The following UMAD1 variants were observed in gnomAD, a reference collection of about 807,000 sequenced individuals.
UMAD1 encodes the protein UBAP1-MVB12-associated (UMA)-domain containing protein 1.
A neutral mutation model predicts 6.1 loss-of-function variants in UMAD1; 8 were observed. The observed-to-expected ratio is 1.30, with a 90% confidence interval of 0.76 to 2.35. The LOEUF (loss-of-function observed/expected upper bound fraction) is 2.35. Among genes scored for constraint, UMAD1 ranks in the 30% most tolerant of loss-of-function variants. The pLI is 0.00. For missense variants in UMAD1, 130 were observed against 78.4 expected, an observed-to-expected ratio of 1.66 and a Z score of -2.49; for synonymous variants, 56 against 31.4, an observed-to-expected ratio of 1.78 and a Z score of -2.61.
intron 2 of UMAD1, among the ~76,000 whole-genome samples, chr7:7,781,810 T>G (rs1782351235): frequency 6.6e-6 from 1 of 152,028 alleles, no homozygotes; most frequent in Non-Finnish European, 1.5e-5. Context: ...ATTTAATTTA[T>G]AATTTCAGAG....
At chr7:7,859,494 A>G (rs540236263) in intron 3 of UMAD1, among the ~76,000 whole-genome samples, 31 of 152,248 alleles carry the variant, frequency 2.0e-4, no homozygotes, top group African/African-American at 6.5e-4. Context: ...TTTAAGTACT[A>G]TTTCCTTAAG....
intron 2 of UMAD1, among the ~76,000 whole-genome samples, chr7:7,743,705 A>ATATGTG (rs1391384626): frequency 3.6e-4 from 13 of 36,044 alleles, no homozygotes; most frequent in African/African-American, 2.4e-3. Context: ...TATGTATAAT[A>ATATGTG]TATATTATAC....
intron 1 of UMAD1, among the ~76,000 whole-genome samples, chr7:7,671,748 A>G (rs1779609507): frequency 6.6e-6 from 1 of 151,836 alleles, no homozygotes; most frequent in Admixed American, 6.6e-5. Context: ...GTTTTTCACC[A>G]GTTTCATTAG....
chr7:7,700,417 C>T (rs1458891332), intron 2 of UMAD1, among the ~76,000 whole-genome samples: 1 of 152,028 alleles, frequency 6.6e-6, no homozygotes, highest in Non-Finnish European at 1.5e-5. Context: ...CACCTGAAGT[C>T]CAAAAATTTA....
chr7:7,716,552 C>T (rs560562836), intron 2 of UMAD1, among the ~76,000 whole-genome samples: 2 of 152,350 alleles, frequency 1.3e-5, no homozygotes, highest in Admixed American at 1.3e-4. Context: ...AACATGGAGG[C>T]TCCACCTTCC....
chr7:7,654,926 TA>T (rs1215899412), intron 1 of UMAD1, among the ~76,000 whole-genome samples: 2 of 151,596 alleles, frequency 1.3e-5, no homozygotes, highest in Non-Finnish European at 2.9e-5. Flanking sequence ...AAATTTGTGA[TA>T]TTTTTAATTG....
Position 7,715,300 on chromosome 7 carries a change from A to G in UMAD1, c.82+41847A>G, listed in dbSNP as rs1263514373. ...CAGATTTATGAATACAGTTTCATCA[A>G]TGATCTTGGTGAATAGTAGTAGCAG... On this transcript the variant is annotated intron_variant, in intron 2 of 3. Transcript: ENST00000682710. 3.3e-5 allele frequency: 5 copies of G among 151,852 alleles called. 1 individual carries two copies. The South Asian group carries it at 6.2e-4, about 19-fold the overall frequency. The allele number at this position is 151,852 out of a possible 1,614,324, so 9.4% of individuals were successfully genotyped here. A position where few individuals can be genotyped will look rare whatever the true frequency, so the allele number is the denominator to read the frequency against.
intron 2 of UMAD1, chr7:7,736,156 T>C (rs1461835423): frequency 6.6e-6 from 1 of 152,266 alleles, no homozygotes; most frequent in Non-Finnish European, 1.5e-5. Context: ...AGTAAGAATT[T>C]TCAGTGTTCT....
chr7:7,717,143 G>A (rs1362875019), intron 2 of UMAD1, among the ~76,000 whole-genome samples: 3 of 148,348 alleles, frequency 2.0e-5, no homozygotes, highest in Non-Finnish European at 4.4e-5. Flanking sequence ...TGCAACCTCC[G>A]TCTCCCGGGT....
At chr7:7,873,746 T>C (rs919407803) in intron 3 of UMAD1, among the ~76,000 whole-genome samples, 2 of 152,216 alleles carry the variant, frequency 1.3e-5, no homozygotes, top group Non-Finnish European at 2.9e-5. Flanking sequence ...CTCTATGGAT[T>C]TTTTCCTTTC....
At chr7:7,784,390 C>T (rs995160038) in intron 2 of UMAD1, among the ~76,000 whole-genome samples, 2 of 148,354 alleles carry the variant, frequency 1.3e-5, no homozygotes, top group Admixed American at 6.8e-5. Flanking sequence ...GGCTGGAGTG[C>T]AGTGGTGCTA....
intron 3 of UMAD1, among the ~76,000 whole-genome samples, chr7:7,839,479 C>T (rs1485385013): frequency 2.0e-5 from 3 of 152,200 alleles, no homozygotes; most frequent in Non-Finnish European, 4.4e-5. Context: ...CCACCAAACC[C>T]GGCCAGATGA....
At chr7:7,646,872 G>T (rs995180278) in intron 1 of UMAD1, among the ~76,000 whole-genome samples, 2 of 152,090 alleles carry the variant, frequency 1.3e-5, no homozygotes, top group Admixed American at 6.5e-5. Context: ...GTTTATATGG[G>T]CACAGAATAG....
intron 3 of UMAD1, among the ~76,000 whole-genome samples, chr7:7,829,025 T>C (rs1783406602): frequency 6.6e-6 from 1 of 152,192 alleles, no homozygotes; most frequent in African/African-American, 2.4e-5. Flanking sequence ...TATATAATAT[T>C]GATCATATAG....
At chr7:7,790,743 T>C (rs769508996) in intron 2 of UMAD1, among the ~76,000 whole-genome samples, 1 of 152,244 alleles carries the variant, frequency 6.6e-6, no homozygotes, top group Admixed American at 6.5e-5. Context: ...CTGAATGACA[T>C]GTGTGACATC....
chr7:7,761,302 A>T (rs1781884249), intron 2 of UMAD1, among the ~76,000 whole-genome samples: 1 of 147,966 alleles, frequency 6.8e-6, no homozygotes. Context: ...GAGGTCAAGG[A>T]TACAGTGAGC....
chr7:7,669,806 G>A (rs990375838), intron 1 of UMAD1, among the ~76,000 whole-genome samples: 4 of 152,188 alleles, frequency 2.6e-5, no homozygotes, highest in Non-Finnish European at 4.4e-5. Flanking sequence ...ATTATCCAAA[G>A]CAAATCTTTG....
chr7:7,652,614 CA>C (rs1219972851), intron 1 of UMAD1, among the ~76,000 whole-genome samples: 1 of 152,174 alleles, frequency 6.6e-6, no homozygotes, highest in Non-Finnish European at 1.5e-5. Context: ...GATAAAGAGG[CA>C]GGAAGTAGAT....
intron 3 of UMAD1, among the ~76,000 whole-genome samples, chr7:7,812,343 G>A (rs1164404390): frequency 1.3e-5 from 2 of 152,160 alleles, no homozygotes; most frequent in Non-Finnish European, 2.9e-5. Flanking sequence ...CCAGAAACCC[G>A]CTAACCTGCT....
Sources: gnomAD v4.1 joint callset for allele counts (sites outside exome capture counted in the v4.1 genomes callset) on GRCh38, gnomAD v4.1.1 for gene constraint, MANE v1.5 for transcripts, NCBI Gene and HGNC (gene_info 2026-07-23, HGNC 2026-07-21) for gene names.